PEX2: variants seen among roughly 807,000 people sequenced by gnomAD.
PEX2 encodes peroxisomal biogenesis factor 2.
A neutral mutation model predicts 25.2 loss-of-function variants in PEX2; 19 were observed. The observed-to-expected ratio is 0.75, with a 90% CI of 0.53 to 1.10. PEX2 has a LOEUF of 1.10. PEX2 is among the 50% of genes least tolerant of loss of function. PEX2 has a pLI of 0.00. For synonymous variants in PEX2, 141 were observed against 127.7 expected, an observed-to-expected ratio of 1.10 and a Z score of -0.70; for missense variants, 347 against 350.6, an observed-to-expected ratio of 0.99 and a Z score of 0.08.
chr8:76,991,049 CAAT>C (rs1013857893), intron 1 of PEX2, among the ~76,000 whole-genome samples: 8 of 152,282 alleles, frequency 5.3e-5, no homozygotes, highest in African/African-American at 1.9e-4. Context: ...GATGTTCGCA[CAAT>C]GATGAAATCA....
intron 1 of PEX2, among the ~76,000 whole-genome samples, chr8:76,990,220 G>C (rs1807127497): frequency 6.6e-6 from 1 of 152,184 alleles, no homozygotes; most frequent in Non-Finnish European, 1.5e-5. Flanking sequence ...GAATTGAAGA[G>C]AGTTAGGAAC....
intron 1 of PEX2, among the ~76,000 whole-genome samples, chr8:76,996,956 A>G (rs143909357): frequency 1.3e-5 from 2 of 152,356 alleles, no homozygotes; most frequent in Non-Finnish European, 2.9e-5. Context: ...AGAACATACA[A>G]AATACACTTA....
At chr8:76,984,230 G>A (rs1279228007) in intron 3 of PEX2, 35 bp from the exon 4 acceptor site, 5 of 1,562,674 alleles carry the variant, frequency 3.2e-6, no homozygotes, top group Non-Finnish European at 4.4e-6. Flanking sequence ...CATTAGCAAA[G>A]AGTTGCAATC....
intron 1 of PEX2, among the ~76,000 whole-genome samples, chr8:76,996,912 T>G (rs1807349285): frequency 6.6e-6 from 1 of 152,200 alleles, no homozygotes; most frequent in South Asian, 2.1e-4. Context: ...AAGCTGGTAA[T>G]AAGTAAATTT....
intron 1 of PEX2, among the ~76,000 whole-genome samples, chr8:76,989,975 C>T (rs1408888457): frequency 6.6e-6 from 1 of 152,162 alleles, no homozygotes; most frequent in Non-Finnish European, 1.5e-5. Flanking sequence ...TGTTACATGG[C>T]ATTTTCTTCC....
In PEX2 at chr8:76,991,117, T is replaced by C. The variant is rs187180365; in HGVS notation, c.-159-2779A>G. On this transcript the variant is annotated intron_variant, in intron 1 of 3. Transcript: ENST00000357039. The stretch of plus-strand genomic sequence containing the variant: ...CCTTGATAAGCAACTCATAACTGCA[T>C]CTCTTCCTCAGGTTCCTTAGTGATA... Among the ~76,000 whole-genome samples, 70 of 152,316 alleles carry C rather than the reference T, an allele frequency of 4.6e-4. 1 individual carries two copies. The East Asian group carries it at 0.012, about 25-fold the overall frequency.
chr8:76,991,729 G>C (rs1444395348), intron 1 of PEX2, among the ~76,000 whole-genome samples: 1 of 152,144 alleles, frequency 6.6e-6, no homozygotes, highest in Non-Finnish European at 1.5e-5. Context: ...TTCTAGCTCT[G>C]TCACTTACTT....
In PEX2 at chr8:76,983,102, G is replaced by A. The variant is rs932091535; in HGVS notation, c.*159C>T. On this transcript the variant is annotated 3_prime_UTR_variant, in exon 4 of 4. Transcript: ENST00000357039. ...TTACATAATATATTTAGAATCACAT[G>A]GTTTCCAGTGATTAGATTTCAGTCA... is the stretch of plus-strand genomic sequence containing the variant. 3.4e-6 allele frequency: 5 copies of A among 1,478,712 alleles called. No individual in the cohort carries two copies. Among genetic ancestry groups the A allele is most frequent in the Non-Finnish European group, 4.5e-6 (5 of 1,115,168 alleles). The allele number at this position is 1,478,712 out of a possible 1,614,324, so 91.6% of individuals were successfully genotyped here.
intron 1 of PEX2, among the ~76,000 whole-genome samples, chr8:76,997,129 T>C (rs1423015744): frequency 6.6e-6 from 1 of 152,186 alleles, no homozygotes; most frequent in African/African-American, 2.4e-5. Flanking sequence ...TTTTCCTTGT[T>C]GCTTGGGATG....
In PEX2 at chr8:76,980,455, C is replaced by T. The variant is rs984842275; in HGVS notation, c.*2806G>A. On this transcript the variant is annotated 3_prime_UTR_variant, in exon 4 of 4. Coordinates refer to ENST00000357039, the MANE Select transcript of PEX2 (RefSeq NM_000318.3). ...CCAGCATCCACCCTTCTAAGAACACCTCAGTTTCCTGTGGTGAACGGCCTC... is the reference window on the plus strand; with the variant it reads ...CCAGCATCCACCCTTCTAAGAACACTTCAGTTTCCTGTGGTGAACGGCCTC... The T allele has an allele frequency of 2.0e-5, 3 of 152,208 alleles. No homozygotes were observed. The highest frequency in any genetic ancestry group is 4.4e-5 in the Non-Finnish European group (3 of 68,042). 9.4% of individuals were successfully genotyped at this position (152,208 alleles called of 1,614,324 possible). A position where few individuals can be genotyped will look rare whatever the true frequency, so the allele number is the denominator to read the frequency against.
intron 3 of PEX2, among the ~76,000 whole-genome samples, chr8:76,985,976 C>G (rs770603813): frequency 2.0e-5 from 3 of 152,062 alleles, no homozygotes; most frequent in Non-Finnish European, 4.4e-5. Flanking sequence ...TCTTTGACAA[C>G]CAAAGTTGTT....
At chr8:76,988,922 G>C (rs986588896) in intron 1 of PEX2, among the ~76,000 whole-genome samples, 2 of 151,936 alleles carry the variant, frequency 1.3e-5, no homozygotes, top group African/African-American at 4.8e-5. Flanking sequence ...ACTGGGTGCA[G>C]TGGCTCATGC....
intron 1 of PEX2, among the ~76,000 whole-genome samples, chr8:76,997,513 G>A (rs541834063): frequency 6.6e-6 from 1 of 152,234 alleles, no homozygotes; most frequent in African/African-American, 2.4e-5. Context: ...AGGTTACAGT[G>A]AGCTGAGACT....
At chr8:76,991,958 A>G (rs997240327) in intron 1 of PEX2, among the ~76,000 whole-genome samples, 2 of 152,224 alleles carry the variant, frequency 1.3e-5, no homozygotes, top group Admixed American at 1.3e-4. Flanking sequence ...TCTCATTTCG[A>G]AAGACTGAAA....
chr8:76,997,406 T>TA (rs1807369672), intron 1 of PEX2, among the ~76,000 whole-genome samples: 1 of 152,112 alleles, frequency 6.6e-6, no homozygotes. Context: ...CTGTCTCTAC[T>TA]AAAAATACAA....
chr8:76,999,354 CAATA>C (rs1347456940), intron 1 of PEX2, among the ~76,000 whole-genome samples: 3 of 151,888 alleles, frequency 2.0e-5, no homozygotes, highest in African/African-American at 4.9e-5. Context: ...AATGGTACCT[CAATA>C]AATAAACAAA....
At position 76,983,538 on chromosome 8, in the gene PEX2, T is replaced by C; in HGVS notation, c.641A>G (p.Gln214Arg). ...TGAAGACAGCTTGGCTTTCAACTTC[T>C]GGACATTGATAAGTGGTAAGAGAAA... ...LIFLLPLINV[Q>R]KLKAKLSSWC... The change falls in exon 4 of 4, where the codon CAG (glutamine) becomes CGG (arginine). Residue 214 changes from glutamine to arginine, a missense_variant. Transcript: ENST00000357039. 2.5e-6 allele frequency: 4 copies of C among 1,614,102 alleles called. No individual in the cohort carries two copies. The South Asian group carries it at 4.4e-5, about 18-fold the overall frequency.
intron 1 of PEX2, among the ~76,000 whole-genome samples, chr8:76,998,513 A>G (rs999415414): frequency 4.6e-5 from 7 of 152,258 alleles, no homozygotes. Flanking sequence ...TTAGAAATAA[A>G]TTAGCTGTGA....
At chr8:76,993,609 T>C (rs1807236572) in intron 1 of PEX2, among the ~76,000 whole-genome samples, 1 of 152,240 alleles carries the variant, frequency 6.6e-6, no homozygotes, top group Non-Finnish European at 1.5e-5. Context: ...TTATTGGTCA[T>C]TGTAAATTAG....
Sources: gnomAD v4.1 joint callset for allele counts (sites outside exome capture counted in the v4.1 genomes callset) on GRCh38, gnomAD v4.1.1 for gene constraint, MANE v1.5 for transcripts, NCBI Gene and HGNC (gene_info 2026-07-23, HGNC 2026-07-21) for gene names.